FAM53C: variants seen among roughly 807,000 people sequenced by gnomAD.
FAM53C encodes family with sequence similarity 53 member C, also known as protein FAM53C.
A neutral mutation model predicts 34.7 loss-of-function variants in FAM53C; 10 were observed. That is an observed-to-expected ratio of 0.29 (90% confidence interval 0.18 to 0.49). The LOEUF (loss-of-function observed/expected upper bound fraction) is 0.49, where lower values mean the gene tolerates loss of function less well. Among genes scored for constraint, FAM53C ranks in the 20% least tolerant of loss-of-function variants. FAM53C has a pLI of 0.99. For missense variants in FAM53C, 442 were observed against 515.3 expected (o/e 0.86, Z 1.38); for synonymous variants, 203 against 203.6 (o/e 1.00, Z 0.03).
chr5:138,338,302 A>G lies in FAM53C; in HGVS notation c.-158A>G, dbSNP rs903821240. The G allele has an allele frequency of 1.3e-5, 8 of 617,572 alleles. No individual in the cohort carries two copies. Among genetic ancestry groups the G allele is most frequent in the East Asian group, 1.4e-4 (2 of 14,428 alleles). 38.3% of individuals were successfully genotyped at this position (617,572 alleles called of 1,614,324 possible). ...GGCCGCGGCCCTGGGAGCTGGAGGA[A>G]CCGCGGTAGGTGGTGGAGGGCAGGT... On this transcript the variant is annotated 5_prime_UTR_variant, in exon 1 of 5. Coordinates refer to ENST00000239906, the MANE Select transcript of FAM53C (RefSeq NM_016605.3).
rs1173263726 is a variant in FAM53C, at chr5:138,347,730, A to T, written c.*771A>T. ...GGGAATGCAGGTGGGGGGTGTCACC[A>T]TATTTTTTCTGAGCTGGCCTTTTTT... On this transcript the variant is annotated 3_prime_UTR_variant, in exon 5 of 5. Transcript: ENST00000239906. 1 of 152,716 alleles carries T rather than the reference A, an allele frequency of 6.5e-6. No individual in the cohort carries two copies. Among genetic ancestry groups the T allele is most frequent in the South Asian group, 2.1e-4 (1 of 4,830 alleles). 9.5% of individuals were successfully genotyped at this position (152,716 alleles called of 1,614,324 possible).
rs374937112 is a variant in FAM53C at position 138,345,242 on chromosome 5, C to G, written c.554C>G (p.Ala185Gly). Reference protein sequence around the residue: ...APSASSQCAPAHRPYSPPFFS... With the variant: ...APSASSQCAPGHRPYSPPFFS... ...AGTGCCTCTTCTCAATGTGCCCCAGCTCACAGACCCTACAGCCCTCCTTTC... is the reference window on the plus strand; with the variant it reads ...AGTGCCTCTTCTCAATGTGCCCCAGGTCACAGACCCTACAGCCCTCCTTTC... Residue 185 changes from alanine to glycine, a missense_variant, in exon 4 of 5, where the codon GCT (alanine) becomes GGT (glycine). Coordinates refer to ENST00000239906, the MANE Select transcript of FAM53C (RefSeq NM_016605.3). The surrounding 1 kb of genome is among the most constrained non-coding windows in gnomAD (Gnocchi z 6.3). 1.2e-6 allele frequency: 2 copies of G among 1,614,128 alleles called. No homozygotes were observed. The highest frequency in any genetic ancestry group is 1.7e-6 in the Non-Finnish European group (2 of 1,180,046).
intron 1 of FAM53C, among the ~76,000 whole-genome samples, chr5:138,340,954 G>A (rs934670072): frequency 6.6e-6 from 1 of 152,194 alleles, no homozygotes; most frequent in Non-Finnish European, 1.5e-5. Flanking sequence ...CCAGTTTAAG[G>A]GTAGCAAATA....
chr5:138,342,038 G>T (rs1761047576), intron 3 of FAM53C, 172 bp downstream of exon 3: 1 of 604,626 alleles, frequency 1.7e-6, no homozygotes, highest in East Asian at 2.7e-5. Context: ...AAAGTTATCT[G>T]GTTGGTTTGC....
Position 138,346,634 on chromosome 5 carries a change from A to AG in FAM53C, c.922-67dup, listed in dbSNP as rs398109449. ...GTGAGACTCCGTCTCAAAAAAAAAA[A>AG]GTTTACAAACCTCACCCTAAAGAAT... On this transcript the variant is annotated intron_variant, in intron 4 of 4. Coordinates refer to ENST00000239906, the MANE Select transcript of FAM53C (RefSeq NM_016605.3). 17 of 1,587,796 alleles carry AG rather than the reference A, an allele frequency of 1.1e-5. No individual in the cohort carries two copies. The Admixed American group carries it at 2.9e-4, about 28-fold the overall frequency.
At chr5:138,340,908 G>C (rs1381016453) in intron 1 of FAM53C, among the ~76,000 whole-genome samples, 7 of 152,328 alleles carry the variant, frequency 4.6e-5, no homozygotes, top group Middle Eastern at 3.4e-3. Flanking sequence ...TTTCTAAGTG[G>C]TGCTGGTATT....
At chr5:138,341,939 C>T in intron 3 of FAM53C, 73 bp downstream of exon 3, 1 of 1,493,142 alleles carries the variant, frequency 6.7e-7, no homozygotes, top group Non-Finnish European at 9.3e-7. Context: ...CATTGGTTTC[C>T]AGTGACCAGG....
At chr5:138,341,475 T>A (rs1440727436) in intron 2 of FAM53C, 62 bp downstream of exon 2, 2 of 1,367,740 alleles carry the variant, frequency 1.5e-6, no homozygotes, top group Non-Finnish European at 2.1e-6. Context: ...AGGCTGATTG[T>A]TGCTATTACT....
In FAM53C at chr5:138,345,825, G is replaced by C. The variant is rs1761158482; in HGVS notation, c.921+216G>C. 6.6e-6 allele frequency among the ~76,000 whole-genome samples: 1 copy of C among 152,210 alleles called. No homozygotes were observed. The highest frequency in any genetic ancestry group is 1.5e-5 in the Non-Finnish European group (1 of 68,034). ...CCATCCTGTGAAATGCCTTAATCCT[G>C]GGAGTTAGAGAAACTGGGGTGAGAC... is the stretch of plus-strand genomic sequence containing the variant. On this transcript the variant is annotated intron_variant, in intron 4 of 4. Transcript: ENST00000239906. The surrounding 1 kb of genome is among the most constrained non-coding windows in gnomAD (Gnocchi z 6.3).
intron 1 of FAM53C, 124 bp from the exon 2 acceptor site, chr5:138,341,060 G>A (rs1341224097): frequency 1.9e-6 from 1 of 523,912 alleles, no homozygotes; most frequent in East Asian, 4.1e-5. Context: ...GGAAAGAGCT[G>A]TGATCAATTG....
At chr5:138,343,558 T>C (rs1194772723) in intron 3 of FAM53C, among the ~76,000 whole-genome samples, 2 of 152,028 alleles carry the variant, frequency 1.3e-5, no homozygotes, top group African/African-American at 4.8e-5. Flanking sequence ...AATAACCTTG[T>C]ACATATGTCA....
rs1375948939 is a variant in FAM53C, at chr5:138,341,798, CTCTT to C, written c.79-6_79-3del. 6 of 1,613,896 alleles carry C rather than the reference CTCTT, an allele frequency of 3.7e-6. No homozygotes were observed. Among genetic ancestry groups the C allele is most frequent in the South Asian group, 1.1e-5 (1 of 91,070 alleles). The stretch of plus-strand genomic sequence containing the variant: ...GAATCCAAATCATGATGGATATTCT[CTCTT>C]TCTTAGCCTTTGCCTGATCATGCAG... On this transcript the variant is annotated splice_polypyrimidine_tract_variant and splice_region_variant and intron_variant, in intron 2 of 4. Transcript: ENST00000239906.
At position 138,341,352 on chromosome 5, in the gene FAM53C, C is replaced by A. The variant is rs773296004; in HGVS notation, c.17C>A (p.Thr6Asn). The change falls in exon 2 of 5, where the codon ACT becomes AAT. Residue 6 changes from threonine to asparagine, a missense_variant. Physicochemically the swap from Thr to Asn is moderately conservative, Grantham distance 65. Transcript: ENST00000239906. ...GGGAGAATCATGATAACCCTGATCA[C>A]TGAGCAGCTACAGAAGCAGACTCTG... MITLI[T>N]EQLQKQTLDE... The A allele has an allele frequency of 6.8e-6, 11 of 1,614,100 alleles. No homozygotes were observed.
chr5:138,338,163 T>C, upstream of FAM53C: 1 of 1,289,648 alleles, frequency 7.8e-7, no homozygotes, highest in Non-Finnish European at 1.0e-6. Context: ...CATGGGTGGC[T>C]TGGGGGGATT....
intron 3 of FAM53C, 86 bp from the exon 4 acceptor site, chr5:138,344,739 A>T (rs1761119817): frequency 8.1e-7 from 1 of 1,240,292 alleles, no homozygotes; most frequent in Admixed American, 2.6e-5. Flanking sequence ...TTCACATAAA[A>T]TGCTCCATAC....
At position 138,338,271 on chromosome 5, in the gene FAM53C, T is replaced by C. The variant is rs1295672591; in HGVS notation, c.-189T>C. The C allele has an allele frequency of 2.1e-6, 2 of 962,028 alleles. No homozygotes were observed. The highest frequency in any genetic ancestry group is 1.3e-5 in the South Asian group (1 of 74,456). The allele number at this position is 962,028 out of a possible 1,614,324, so 59.6% of individuals were successfully genotyped here. A position where few individuals can be genotyped will look rare whatever the true frequency, so the allele number is the denominator to read the frequency against. ...GTGGGGCGAACCGAGCGCTCAGAGC[T>C]GCTCCGGCCGCGGCCCTGGGAGCTG... On this transcript the variant is annotated 5_prime_UTR_variant, in exon 1 of 5. Coordinates refer to ENST00000239906, the MANE Select transcript of FAM53C (RefSeq NM_016605.3).
chr5:138,347,136 G>A lies in FAM53C; in HGVS notation c.*177G>A, dbSNP rs1761203193. On this transcript the variant is annotated 3_prime_UTR_variant, in exon 5 of 5. Coordinates refer to ENST00000239906, the MANE Select transcript of FAM53C (RefSeq NM_016605.3). The stretch of plus-strand genomic sequence containing the variant: ...GCTCGACCATGCCAAGAGACTGGCC[G>A]GGACAAGATAAACGGAGCTGGTGGC... 12 of 874,242 alleles carry A rather than the reference G, an allele frequency of 1.4e-5. No homozygotes were observed. Among genetic ancestry groups the A allele is most frequent in the South Asian group, 5.1e-5 (3 of 58,900 alleles). 54.2% of individuals were successfully genotyped at this position (874,242 alleles called of 1,614,324 possible).
chr5:138,341,145 T>C, intron 1 of FAM53C, 39 bp from the exon 2 acceptor site: 1 of 702,944 alleles, frequency 1.4e-6, no homozygotes, highest in South Asian at 1.4e-5. Context: ...ACCAGGTGCA[T>C]CTCTAATATC....
chr5:138,338,595 C>G (rs958144274), intron 1 of FAM53C, among the ~76,000 whole-genome samples: 4 of 150,056 alleles, frequency 2.7e-5, no homozygotes, highest in South Asian at 2.1e-4. Flanking sequence ...GCGCACCCCC[C>G]CCCCCGCCCC....
Sources: gnomAD v4.1 joint callset for allele counts (sites outside exome capture counted in the v4.1 genomes callset) on GRCh38, gnomAD v4.1.1 for gene constraint, Gnocchi (gnomAD v3.1) non-coding constraint, MANE v1.5 for transcripts, NCBI Gene and HGNC (gene_info 2026-07-23, HGNC 2026-07-21) for gene names.